The following LYN variants were observed in gnomAD, a reference collection of about 807,000 sequenced individuals.
LYN encodes the protein LYN proto-oncogene, Src family tyrosine kinase.
LYN carries 12 observed loss-of-function variants against 65.0 expected under a neutral mutation model. That is an observed-to-expected ratio of 0.18 (90% CI 0.12 to 0.30). The LOEUF (loss-of-function observed/expected upper bound fraction) is 0.30, where lower values mean the gene tolerates loss of function less well. Ranked by LOEUF, LYN falls within the 10% of genes least tolerant of loss-of-function variation. The probability of loss-of-function intolerance (pLI) is 1.00; values close to 1 mark genes in which losing one functional copy is unlikely to be tolerated. For missense variants in LYN, 380 were observed against 623.2 expected (o/e 0.61, Z 4.16); for synonymous variants, 222 against 221.2 (o/e 1.00, Z -0.03).
chr8:55,936,120 T>C (rs1459690675), intron 1 of LYN, among the ~76,000 whole-genome samples: 1 of 152,216 alleles, frequency 6.6e-6, no homozygotes, highest in South Asian at 2.1e-4. Flanking sequence ...TGCAAGTGTG[T>C]AGGGAACATA....
At chr8:55,971,142 A>G (rs1013810083) in intron 10 of LYN, among the ~76,000 whole-genome samples, 4 of 152,220 alleles carry the variant, frequency 2.6e-5, no homozygotes, top group Non-Finnish European at 4.4e-5. Context: ...TGTGCCCTGA[A>G]ATGCCAACAT....
chr8:56,005,643 G>A (rs1182319876), intron 12 of LYN, among the ~76,000 whole-genome samples: 1 of 152,210 alleles, frequency 6.6e-6, no homozygotes, highest in Non-Finnish European at 1.5e-5. Context: ...CAGAGATGGA[G>A]TTTAAGTTTC....
intron 1 of LYN, among the ~76,000 whole-genome samples, chr8:55,917,585 G>C (rs931941126): frequency 2.0e-5 from 3 of 151,934 alleles, no homozygotes; most frequent in African/African-American, 7.2e-5. Flanking sequence ...AACTGTGACA[G>C]GGGCTAGCAA....
At chr8:55,898,947 C>G (rs116360722) in intron 1 of LYN, among the ~76,000 whole-genome samples, 1,993 of 152,266 alleles carry the variant, frequency 0.013, 39 homozygotes, top group African/African-American at 0.045. Flanking sequence ...GCCTCAGCCT[C>G]CTGTGTAGCT....
In LYN at chr8:55,883,861, G is replaced by GT. The variant is rs140384657; in HGVS notation, c.-6+3768dup. ...AGAACATGGAAGAGGAAGTTGTTGG[G>GT]TTTTTTTTTTCCAGTCAGAAATACT... On this transcript the variant is annotated intron_variant, in intron 1 of 12. Transcript: ENST00000519728. 3.0e-3 allele frequency among the ~76,000 whole-genome samples: 446 copies of GT among 149,348 alleles called. 3 individuals carry two copies. The highest frequency in any genetic ancestry group is 6.2e-3 in the African/African-American group (254 of 40,844).
intron 1 of LYN, among the ~76,000 whole-genome samples, chr8:55,911,042 G>A (rs1421472448): frequency 1.4e-5 from 2 of 138,918 alleles, no homozygotes; most frequent in Non-Finnish European, 3.1e-5. Context: ...GCCTACAGGC[G>A]CCCACCTCCA....
At chr8:55,908,677 T>C (rs958938960) in intron 1 of LYN, among the ~76,000 whole-genome samples, 17 of 152,076 alleles carry the variant, frequency 1.1e-4, no homozygotes, top group Admixed American at 7.2e-4. Context: ...TCTGGGCTTT[T>C]AGTGTAACCA....
At chr8:55,966,973 A>T (rs1165957858) in intron 9 of LYN, 76 bp downstream of exon 9, 2 of 1,355,736 alleles carry the variant, frequency 1.5e-6, no homozygotes. Flanking sequence ...TTCAGAGGTC[A>T]CTCAACTAGT....
chr8:55,998,241 T>C, intron 10 of LYN, 105 bp from the exon 11 acceptor site: 3 of 799,834 alleles, frequency 3.8e-6, no homozygotes, highest in Admixed American at 2.4e-5. Context: ...CAAAATAGTA[T>C]ACATGAAAAG....
chr8:55,937,644 A>G (rs577528095), intron 1 of LYN, among the ~76,000 whole-genome samples: 63 of 152,132 alleles, frequency 4.1e-4, no homozygotes, highest in Non-Finnish European at 7.5e-4. Context: ...GCATTGCTAG[A>G]TTTTATGAAA....
chr8:55,928,451 T>C lies in LYN; in HGVS notation c.-5-13404T>C, dbSNP rs368409310. The stretch of plus-strand genomic sequence containing the variant: ...ATGAGCCACCACGCAGGGCCCATTG[T>C]TGCTTTAATTTGCAATTCCCAGGTG... On this transcript the variant is annotated intron_variant, in intron 1 of 12. Transcript: ENST00000519728. Among the ~76,000 whole-genome samples, 25 of 152,316 alleles carry C rather than the reference T, an allele frequency of 1.6e-4. No individual in the cohort carries two copies. The South Asian group carries it at 5.2e-3, about 32-fold the overall frequency.
At chr8:55,909,659 A>G (rs1389798938) in intron 1 of LYN, among the ~76,000 whole-genome samples, 1 of 152,226 alleles carries the variant, frequency 6.6e-6, no homozygotes, top group Non-Finnish European at 1.5e-5. Context: ...AGTTTTCATT[A>G]TTTGAGAAAT....
intron 8 of LYN, among the ~76,000 whole-genome samples, chr8:55,958,118 C>A (rs1431185694): frequency 6.6e-6 from 1 of 152,118 alleles, no homozygotes; most frequent in Non-Finnish European, 1.5e-5. Context: ...CCTGCTTACA[C>A]CCCCTGTTCT....
chr8:55,887,165 G>A (rs970038177), intron 1 of LYN, among the ~76,000 whole-genome samples: 2 of 152,080 alleles, frequency 1.3e-5, no homozygotes, highest in Admixed American at 6.5e-5. Context: ...AGCTGAACAC[G>A]GCCAGGCGGC....
chr8:56,007,317 A>C (rs1046102023), intron 12 of LYN, among the ~76,000 whole-genome samples: 2 of 152,246 alleles, frequency 1.3e-5, no homozygotes, highest in African/African-American at 4.8e-5. Context: ...CCAAGTTATA[A>C]GAGCCAGAGC....
At chr8:55,965,724 G>A in intron 8 of LYN, among the ~76,000 whole-genome samples, 1 of 152,120 alleles carries the variant, frequency 6.6e-6, no homozygotes, top group Non-Finnish European at 1.5e-5. Context: ...TAATGTGAGT[G>A]TATGCCTGTG....
At chr8:55,894,594 G>A (rs756198374) in intron 1 of LYN, among the ~76,000 whole-genome samples, 3 of 148,760 alleles carry the variant, frequency 2.0e-5, no homozygotes, top group East Asian at 2.0e-4. Context: ...GTTCATTGGC[G>A]CTATCTTGGC....
intron 8 of LYN, among the ~76,000 whole-genome samples, 188 bp from the exon 9 acceptor site, chr8:55,966,525 ACC>A (rs1807464323): frequency 6.6e-6 from 1 of 151,668 alleles, no homozygotes; most frequent in South Asian, 2.1e-4. Context: ...CTGCCACCAC[ACC>A]CAGCTAATTT....
chr8:55,926,021 A>G (rs979988261), intron 1 of LYN, among the ~76,000 whole-genome samples: 4 of 152,236 alleles, frequency 2.6e-5, no homozygotes, highest in Admixed American at 2.0e-4. Context: ...AAATTAAATT[A>G]TAAGCATTTT....
Sources: allele counts gnomAD v4.1 joint callset (sites outside exome capture counted in the v4.1 genomes callset), GRCh38; gene constraint gnomAD v4.1.1; transcripts MANE v1.5; gene names NCBI Gene and HGNC (gene_info 2026-07-23, HGNC 2026-07-21).